NRG1: variants seen among roughly 807,000 people sequenced by gnomAD.
The protein encoded by NRG1 is neuregulin 1.
In NRG1, 18 loss-of-function variants were observed where a neutral mutation model predicts 63.8. The ratio of observed to expected loss-of-function variants is 0.28; its 90% CI spans 0.19 to 0.42. The LOEUF is 0.42. Ranked by LOEUF, NRG1 falls within the 10% of genes least tolerant of loss-of-function variation. The pLI, the probability that NRG1 is intolerant of heterozygous loss-of-function variation, is 1.00. For missense variants in NRG1, 762 were observed against 814.7 expected, an observed-to-expected ratio of 0.94 and a Z score of 0.79; for synonymous variants, 302 against 301.3, an observed-to-expected ratio of 1.00 and a Z score of -0.02.
intron 1 of NRG1, among the ~76,000 whole-genome samples, chr8:31,905,155 G>A (rs891302776): frequency 6.6e-6 from 1 of 152,092 alleles, no homozygotes; most frequent in Admixed American, 6.5e-5. Context: ...GTCCCAGAGA[G>A]AGACAATCCA....
At chr8:32,273,848 T>C (rs1851804784) in intron 1 of NRG1, among the ~76,000 whole-genome samples, 1 of 152,194 alleles carries the variant, frequency 6.6e-6, no homozygotes, top group Admixed American at 6.5e-5. Flanking sequence ...CATGTTTATA[T>C]TGCTATTTTT....
At chr8:31,947,239 G>C (rs975570881) in intron 1 of NRG1, among the ~76,000 whole-genome samples, 1 of 150,102 alleles carries the variant, frequency 6.7e-6, no homozygotes, top group Non-Finnish European at 1.5e-5. Context: ...AGCGGAGCTT[G>C]CAGTGAGCTG....
intron 1 of NRG1, among the ~76,000 whole-genome samples, chr8:31,904,097 A>G (rs1377352467): frequency 6.6e-6 from 1 of 152,196 alleles, no homozygotes; most frequent in Admixed American, 6.5e-5. Flanking sequence ...ACGTAGCTCC[A>G]AATGTGGTGC....
At chr8:32,299,043 A>G (rs1424449573) in intron 1 of NRG1, among the ~76,000 whole-genome samples, 4 of 151,100 alleles carry the variant, frequency 2.6e-5, no homozygotes, top group Admixed American at 2.0e-4. Context: ...AAAAAAAAAA[A>G]AAAAAGAAAG....
At chr8:32,057,685 T>G (rs938735461) in intron 1 of NRG1, among the ~76,000 whole-genome samples, 1 of 152,182 alleles carries the variant, frequency 6.6e-6, no homozygotes, top group Non-Finnish European at 1.5e-5. Flanking sequence ...ATCATTTCAG[T>G]CTTTTTGAAC....
intron 1 of NRG1, among the ~76,000 whole-genome samples, chr8:31,727,270 G>A (rs1813546518): frequency 6.6e-6 from 1 of 152,018 alleles, no homozygotes; most frequent in South Asian, 2.1e-4. Context: ...TTTTAAAAAA[G>A]CTTTACTTCA....
At chr8:32,513,170 G>GGTGTGT (rs55982622) in intron 1 of NRG1, among the ~76,000 whole-genome samples, 3,720 of 149,216 alleles carry the variant, frequency 0.025, 47 homozygotes, top group Middle Eastern at 0.045. Context: ...TGCTGAAGCT[G>GGTGTGT]GTGTGTGTGT....
chr8:32,148,510 T>C (rs1837155643), intron 1 of NRG1, among the ~76,000 whole-genome samples: 1 of 152,212 alleles, frequency 6.6e-6, no homozygotes, highest in Admixed American at 6.5e-5. Context: ...ACCATACTCC[T>C]GCCTCAGCCT....
At chr8:32,354,618 C>A (rs1476383369) in intron 1 of NRG1, among the ~76,000 whole-genome samples, 2 of 149,820 alleles carry the variant, frequency 1.3e-5, no homozygotes, top group African/African-American at 2.5e-5. Flanking sequence ...GCAGGCTGGG[C>A]GTGGTGGCTC....
chr8:32,545,333 ACT>A (rs1485502612), upstream of NRG1, among the ~76,000 whole-genome samples: 1 of 152,006 alleles, frequency 6.6e-6, no homozygotes, highest in Non-Finnish European at 1.5e-5. Context: ...TAAAATCTGT[ACT>A]CTTTTTATCA....
At chr8:32,649,930 A>G (rs1205353410) in intron 5 of NRG1, among the ~76,000 whole-genome samples, 1 of 152,192 alleles carries the variant, frequency 6.6e-6, no homozygotes, top group Non-Finnish European at 1.5e-5. Context: ...AAAGAAGCGA[A>G]ATTCACCAGG....
intron 1 of NRG1, among the ~76,000 whole-genome samples, chr8:31,846,109 T>G (rs1826663791): frequency 6.6e-6 from 1 of 152,238 alleles, no homozygotes; most frequent in African/African-American, 2.4e-5. Context: ...CCCAAGGTTT[T>G]AAAATAACTG....
At chr8:32,453,521 T>C (rs1208477343) in intron 1 of NRG1, among the ~76,000 whole-genome samples, 1 of 152,158 alleles carries the variant, frequency 6.6e-6, no homozygotes, top group African/African-American at 2.4e-5. Context: ...GAAGAGCAAA[T>C]GCAAGTTTAG....
intron 1 of NRG1, among the ~76,000 whole-genome samples, chr8:32,154,954 G>T (rs866120674): frequency 6.6e-6 from 1 of 152,120 alleles, no homozygotes; most frequent in Non-Finnish European, 1.5e-5. Flanking sequence ...AACTGAGATC[G>T]CAGGGAATTG....
At chr8:32,395,954 G>C (rs957812351) in intron 1 of NRG1, among the ~76,000 whole-genome samples, 7 of 152,112 alleles carry the variant, frequency 4.6e-5, no homozygotes, top group Non-Finnish European at 8.8e-5. Flanking sequence ...GGATATCCAA[G>C]CATCCTAAGC....
At chr8:31,997,835 T>C (rs1226649614) in intron 1 of NRG1, among the ~76,000 whole-genome samples, 4 of 151,996 alleles carry the variant, frequency 2.6e-5, no homozygotes, top group Non-Finnish European at 5.9e-5. Context: ...ATTCAATCCT[T>C]GCAACCCATG....
intron 1 of NRG1, among the ~76,000 whole-genome samples, chr8:31,871,124 G>T (rs1191056425): frequency 1.3e-5 from 2 of 151,600 alleles, no homozygotes; most frequent in African/African-American, 4.8e-5. Flanking sequence ...TTACAGGTAC[G>T]TGCCACCATG....
At chr8:32,411,613 G>A (rs1814961002) in intron 1 of NRG1, among the ~76,000 whole-genome samples, 2 of 152,148 alleles carry the variant, frequency 1.3e-5, no homozygotes, top group Admixed American at 1.3e-4. Flanking sequence ...TATGGACAGG[G>A]GCTTACTATA....
At chr8:32,609,871 A>T (rs927319745) in intron 3 of NRG1, among the ~76,000 whole-genome samples, 1 of 151,232 alleles carries the variant, frequency 6.6e-6, no homozygotes, top group Non-Finnish European at 1.5e-5. Flanking sequence ...AGGTTTCGCC[A>T]TGTTGGCCAT....
Sources: allele counts gnomAD v4.1 joint callset (sites outside exome capture counted in the v4.1 genomes callset), GRCh38; gene constraint gnomAD v4.1.1; transcripts MANE v1.5; gene names NCBI Gene and HGNC (gene_info 2026-07-23, HGNC 2026-07-21).